Variants in PCDH9 observed in about 807,000 individuals in gnomAD.
The protein encoded by PCDH9 is protocadherin-9.
A neutral mutation model predicts 70.6 loss-of-function variants in PCDH9; 24 were observed. The observed-to-expected ratio is 0.34, with a 90% CI of 0.25 to 0.48. PCDH9 has a LOEUF of 0.48. Ranked by LOEUF, PCDH9 falls within the 20% of genes least tolerant of loss-of-function variation. The probability of loss-of-function intolerance (pLI) is 0.99; values close to 1 mark genes in which losing one functional copy is unlikely to be tolerated. For synonymous variants in PCDH9, 562 were observed against 558.5 expected (o/e 1.01, Z -0.09); for missense variants, 1,281 against 1,503.6 (o/e 0.85, Z 2.45).
intron 4 of PCDH9, among the ~76,000 whole-genome samples, chr13:66,514,501 AAAAG>A (rs1959639081): frequency 6.6e-6 from 1 of 151,750 alleles, no homozygotes; most frequent in African/African-American, 2.4e-5. Context: ...AAAAAAAAAA[AAAAG>A]AAAGACATGC....
chr13:66,542,018 G>C (rs1035735867), intron 4 of PCDH9, among the ~76,000 whole-genome samples: 2 of 152,086 alleles, frequency 1.3e-5, no homozygotes, highest in African/African-American at 4.8e-5. Flanking sequence ...GCATTTAAAA[G>C]GCTTGCGCAT....
intron 4 of PCDH9, among the ~76,000 whole-genome samples, chr13:66,357,759 T>C (rs1956408778): frequency 6.6e-6 from 1 of 152,094 alleles, no homozygotes. Flanking sequence ...TTAAAACCTA[T>C]GTGTGTGCTC....
chr13:66,886,932 C>G (rs532429842), intron 3 of PCDH9, among the ~76,000 whole-genome samples: 2 of 151,628 alleles, frequency 1.3e-5, no homozygotes, highest in South Asian at 2.1e-4. Flanking sequence ...TTTAACACAG[C>G]CTTGAGGTAA....
intron 2 of PCDH9, among the ~76,000 whole-genome samples, chr13:67,056,222 G>T (rs1223177557): frequency 6.6e-6 from 1 of 152,170 alleles, no homozygotes; most frequent in Non-Finnish European, 1.5e-5. Flanking sequence ...TATTTGTGTA[G>T]AAGAATGTTT....
chr13:67,156,062 C>T (rs1359568061), intron 2 of PCDH9, among the ~76,000 whole-genome samples: 2 of 151,936 alleles, frequency 1.3e-5, no homozygotes, highest in African/African-American at 4.8e-5. Context: ...GACCATGGTC[C>T]CTTTAAATGA....
At chr13:66,673,329 T>C (rs1030058266) in intron 3 of PCDH9, among the ~76,000 whole-genome samples, 1 of 152,132 alleles carries the variant, frequency 6.6e-6, no homozygotes, top group Non-Finnish European at 1.5e-5. Flanking sequence ...CCTCCTTCGT[T>C]CCTCCTTCCC....
intron 4 of PCDH9, among the ~76,000 whole-genome samples, chr13:66,408,306 A>G (rs1957317131): frequency 6.6e-6 from 1 of 152,188 alleles, no homozygotes; most frequent in Non-Finnish European, 1.5e-5. Context: ...TCACTTTTGA[A>G]GGGCAGAGAA....
chr13:67,029,747 C>G (rs1458224327), intron 2 of PCDH9, among the ~76,000 whole-genome samples: 1 of 152,138 alleles, frequency 6.6e-6, no homozygotes, highest in Non-Finnish European at 1.5e-5. Context: ...AATAATAATA[C>G]TCACCTAATG....
At position 66,701,754 on chromosome 13, in the gene PCDH9, A is replaced by G. The variant is rs188513261; in HGVS notation, c.3139-70343T>C. Among the ~76,000 whole-genome samples the G allele has an allele frequency of 1.1e-3, 171 of 152,240 alleles. 1 individual carries two copies. The highest frequency in any genetic ancestry group is 3.8e-3 in the African/African-American group (159 of 41,542). ...GTAAGTTGAATTTTATTTCTTTAAT[A>G]TTTTGTGTGAAGTATAGTAGTGATT... On this transcript the variant is annotated intron_variant, in intron 3 of 4. Transcript: ENST00000377865.
At chr13:66,347,465 C>T (rs150048033) in intron 4 of PCDH9, among the ~76,000 whole-genome samples, 11 of 151,938 alleles carry the variant, frequency 7.2e-5, no homozygotes, top group Admixed American at 2.0e-4. Flanking sequence ...TTCTATCACT[C>T]GGAAAAAAAA....
chr13:66,417,080 G>A (rs187499144), intron 4 of PCDH9, among the ~76,000 whole-genome samples: 122 of 152,238 alleles, frequency 8.0e-4, no homozygotes, highest in African/African-American at 2.8e-3. Context: ...AGAACATGCA[G>A]GTTTGTTACA....
intron 3 of PCDH9, among the ~76,000 whole-genome samples, chr13:66,663,784 G>C (rs1271758393): frequency 2.0e-5 from 3 of 152,174 alleles, no homozygotes; most frequent in Non-Finnish European, 4.4e-5. Context: ...TTGTGAATTA[G>C]AGATGTGTAC....
intron 3 of PCDH9, among the ~76,000 whole-genome samples, chr13:66,823,560 TA>T (rs2080754430): frequency 6.6e-6 from 1 of 152,066 alleles, no homozygotes; most frequent in Non-Finnish European, 1.5e-5. Flanking sequence ...TTTCACAGTA[TA>T]GGATGAAGAT....
At chr13:66,356,574 C>T (rs182809470) in intron 4 of PCDH9, among the ~76,000 whole-genome samples, 207 of 151,970 alleles carry the variant, frequency 1.4e-3, no homozygotes, top group African/African-American at 4.7e-3. Flanking sequence ...GGTTTTTAAA[C>T]GTCTGTCATT....
chr13:66,761,498 A>C (rs1043066616), intron 3 of PCDH9, among the ~76,000 whole-genome samples: 2 of 151,998 alleles, frequency 1.3e-5, no homozygotes, highest in Non-Finnish European at 2.9e-5. Flanking sequence ...TTTTCTTCTG[A>C]TGCTGTCCCA....
At chr13:66,421,500 C>G (rs1957567151) in intron 4 of PCDH9, among the ~76,000 whole-genome samples, 1 of 152,114 alleles carries the variant, frequency 6.6e-6, no homozygotes, top group African/African-American at 2.4e-5. Flanking sequence ...AGAGTGGAGG[C>G]CAATATTCAA....
chr13:66,322,517 T>TTGCAC, intron 4 of PCDH9, among the ~76,000 whole-genome samples: 1 of 152,164 alleles, frequency 6.6e-6, no homozygotes, highest in East Asian at 1.9e-4. Context: ...ATTTACCATC[T>TTGCAC]TGCACTGACA....
In PCDH9 at chr13:66,739,426, G is replaced by C. The variant is rs867107667; in HGVS notation, c.3139-108015C>G. ...AGACCATAGAGACTAGGAAGAAACT[G>C]CATCAACTAACGAGCAAAATCACCA... On this transcript the variant is annotated intron_variant, in intron 3 of 4. Coordinates refer to ENST00000377865, the MANE Select transcript of PCDH9 (RefSeq NM_203487.3). Among the ~76,000 whole-genome samples the C allele has an allele frequency of 8.3e-3, 1,251 of 151,040 alleles. 15 individuals are homozygous for C. Among genetic ancestry groups the C allele is most frequent in the African/African-American group, 0.028 (1,169 of 41,138 alleles).
At chr13:66,579,840 A>C (rs1251779509) in intron 4 of PCDH9, among the ~76,000 whole-genome samples, 2 of 152,076 alleles carry the variant, frequency 1.3e-5, no homozygotes, top group Non-Finnish European at 2.9e-5. Flanking sequence ...TGACAAAACT[A>C]GTGTTCTTAA....
Sources: gnomAD v4.1 joint callset for allele counts (sites outside exome capture counted in the v4.1 genomes callset) on GRCh38, gnomAD v4.1.1 for gene constraint, MANE v1.5 for transcripts, NCBI Gene and HGNC (gene_info 2026-07-23, HGNC 2026-07-21) for gene names.